The following CTSC variants were observed in gnomAD, a reference collection of about 807,000 sequenced individuals.
CTSC encodes cathepsin C.
CTSC carries 37 observed loss-of-function variants against 40.9 expected under a neutral mutation model. That is an observed-to-expected ratio of 0.91 (90% CI 0.70 to 1.19). CTSC has a LOEUF of 1.19. Among genes scored for constraint, CTSC ranks in the 50% most tolerant of loss-of-function variants. The probability of loss-of-function intolerance (pLI) is 0.00; values close to 1 mark genes in which losing one functional copy is unlikely to be tolerated. For missense variants in CTSC, 594 were observed against 567.3 expected (o/e 1.05, Z -0.48); for synonymous variants, 232 against 207.4 (o/e 1.12, Z -1.02).
At chr11:88,333,025 C>T (rs771679964) in intron 2 of CTSC, among the ~76,000 whole-genome samples, 16 of 152,214 alleles carry the variant, frequency 1.1e-4, no homozygotes, top group Non-Finnish European at 2.1e-4. Flanking sequence ...AATGTGCTTA[C>T]ACCGTGATTC....
intron 2 of CTSC, chr11:88,324,416 G>A (rs1031471963): frequency 1.0e-6 from 1 of 982,182 alleles, no homozygotes; most frequent in East Asian, 1.1e-4. Flanking sequence ...AACTCTGCAG[G>A]AAGGTAACCT....
intron 4 of CTSC, among the ~76,000 whole-genome samples, chr11:88,301,021 G>A (rs1437022045): frequency 1.3e-5 from 2 of 152,082 alleles, no homozygotes; most frequent in African/African-American, 4.8e-5. Context: ...GAAAACAGAG[G>A]AATCACTGAT....
rs1211768181 is a variant in CTSC at position 88,293,957 on chromosome 11, TC to T, written c.*48del. 1 of 1,596,670 alleles carries T rather than the reference TC, an allele frequency of 6.3e-7. No homozygotes were observed. Among genetic ancestry groups the T allele is most frequent in the Middle Eastern group, 1.7e-4 (1 of 6,054 alleles). ...GTCTACAGTCTGTGAATATACCAAT[TC>T]CCCTTTACAACTGATGCAGATCATT... On this transcript the variant is annotated 3_prime_UTR_variant, in exon 7 of 7. Coordinates refer to ENST00000227266, the MANE Select transcript of CTSC (RefSeq NM_001814.6).
chr11:88,301,237 TC>T (rs1944357504), intron 4 of CTSC, among the ~76,000 whole-genome samples: 1 of 152,138 alleles, frequency 6.6e-6, no homozygotes, highest in Non-Finnish European at 1.5e-5. Flanking sequence ...TCACTTCACT[TC>T]ATCCTCTCCG....
Position 88,294,393 on chromosome 11 carries a change from T to G in CTSC, c.1005A>C (p.Glu335Asp). Reference sequence around the variant, plus strand: ...CAGAGGAGTAATAACGAAAGCAGTCTTCCTTCATTTTGCATGGAGAATCAG... The same window carrying G: ...CAGAGGAGTAATAACGAAAGCAGTCGTCCTTCATTTTGCATGGAGAATCAG... ...TGTDSPCKMKEDCFRYYSSEY... is the reference protein window; with the variant it reads ...TGTDSPCKMKDDCFRYYSSEY... Residue 335 changes from glutamate (E) to aspartate (D), a missense_variant, in exon 7 of 7, where the codon GAA (glutamate) becomes GAC (aspartate). Glu to Asp is a conservative substitution (Grantham distance 45). Coordinates refer to ENST00000227266, the MANE Select transcript of CTSC (RefSeq NM_001814.6). 1 of 1,614,150 alleles carries G rather than the reference T, an allele frequency of 6.2e-7. No individual in the cohort carries two copies. The highest frequency in any genetic ancestry group is 1.1e-5 in the South Asian group (1 of 91,084).
intron 2 of CTSC, among the ~76,000 whole-genome samples, chr11:88,316,501 A>AAATAAATAAATAAATGAATGAATG (rs1211606419): frequency 2.3e-4 from 33 of 140,954 alleles, no homozygotes; most frequent in African/African-American, 7.8e-4. Flanking sequence ...ATAAATAAAT[A>AAATAAATAAATAAATGAATGAATG]AATGAAGCAG....
chr11:88,336,432 G>C (rs1423002639), intron 1 of CTSC, among the ~76,000 whole-genome samples: 1 of 151,316 alleles, frequency 6.6e-6, no homozygotes, highest in Admixed American at 6.6e-5. Flanking sequence ...CTAGCTACTC[G>C]GGAGACTGAG....
At chr11:88,302,730 T>A (rs1430156318) in intron 4 of CTSC, among the ~76,000 whole-genome samples, 1 of 151,826 alleles carries the variant, frequency 6.6e-6, no homozygotes. Context: ...AATTGTAACC[T>A]TGACAATTGT....
chr11:88,307,480 G>A (rs1438765144), intron 4 of CTSC, among the ~76,000 whole-genome samples: 1 of 147,668 alleles, frequency 6.8e-6, no homozygotes, highest in African/African-American at 2.5e-5. Context: ...CCCAAACTAA[G>A]AAATATACCA....
intron 2 of CTSC, among the ~76,000 whole-genome samples, chr11:88,327,384 A>C (rs924019065): frequency 1.3e-5 from 2 of 152,148 alleles, no homozygotes; most frequent in African/African-American, 2.4e-5. Flanking sequence ...CAAGTAACAG[A>C]GGAAGGAAAA....
At chr11:88,308,324 G>A (rs943505684) in intron 4 of CTSC, among the ~76,000 whole-genome samples, 13 of 151,654 alleles carry the variant, frequency 8.6e-5, no homozygotes, top group South Asian at 2.1e-4. Context: ...CAGCTAAGGC[G>A]CAGACTTGAG....
chr11:88,309,353 C>G lies in CTSC; in HGVS notation c.486-35G>C, dbSNP rs781224804. Reference sequence around the variant, plus strand: ...AAAATGAGATAATTTCAGATATAGTCTTTACTGATGTAAATAGAGTAATTA... The same window carrying G: ...AAAATGAGATAATTTCAGATATAGTGTTTACTGATGTAAATAGAGTAATTA... On this transcript the variant is annotated intron_variant, in intron 3 of 6. Transcript: ENST00000227266. 11 of 1,543,840 alleles carry G rather than the reference C, an allele frequency of 7.1e-6. No homozygotes were observed. In the South Asian group the frequency reaches 1.1e-4, roughly 16 times the overall value.
intron 2 of CTSC, among the ~76,000 whole-genome samples, chr11:88,328,983 C>T (rs1310434418): frequency 1.3e-5 from 2 of 152,072 alleles, no homozygotes; most frequent in African/African-American, 4.8e-5. Context: ...CAAACAAGAG[C>T]TCAATTAGAA....
intron 2 of CTSC, chr11:88,325,493 C>G: frequency 1.0e-6 from 1 of 985,346 alleles, no homozygotes; most frequent in Non-Finnish European, 1.2e-6. Flanking sequence ...TGTGAAATGG[C>G]TTTTTTCACT....
intron 5 of CTSC, chr11:88,299,022 T>G (rs963829870): frequency 1.3e-5 from 2 of 152,206 alleles, no homozygotes; most frequent in African/African-American, 4.8e-5. Context: ...CTTGTATGTC[T>G]TGCTAAACTG....
chr11:88,315,499 C>G (rs1333366279), intron 2 of CTSC, among the ~76,000 whole-genome samples: 2 of 152,144 alleles, frequency 1.3e-5, no homozygotes, highest in African/African-American at 4.8e-5. Context: ...TTGGAGAAGA[C>G]TGCCTATTTC....
In CTSC at chr11:88,314,777, T is replaced by C. The variant is rs544860637; in HGVS notation, c.319-2223A>G. On this transcript the variant is annotated intron_variant, in intron 2 of 6. Coordinates refer to ENST00000227266, the MANE Select transcript of CTSC (RefSeq NM_001814.6). ...TCCTGACCTGAGGTGATCTGCTTCC[T>C]TCAGCCTCCCAAAGTGCTGGGATTA... Among the ~76,000 whole-genome samples the C allele has an allele frequency of 1.6e-3, 238 of 152,218 alleles. 1 individual carries two copies. Among genetic ancestry groups the C allele is most frequent in the Non-Finnish European group, 1.2e-3 (81 of 67,982 alleles).
At chr11:88,322,997 T>C (rs1225569974) in intron 2 of CTSC, 1 of 152,206 alleles carries the variant, frequency 6.6e-6, no homozygotes. Context: ...ATATCCCTGA[T>C]GAACTTCGAC....
rs1260896676 is a variant in CTSC, at chr11:88,294,118, T to G, written c.1280A>C (p.Asn427Thr). The change falls in exon 7 of 7, where the codon AAC (asparagine) becomes ACC (threonine). Residue 427 changes from asparagine to threonine, a missense_variant. By Grantham distance (65) the Asn-to-Thr change is moderately conservative. Transcript: ENST00000227266. ...ASGMDYWIVK[N>T]SWGTGWGENG... ...CTCACCCCAGCCGGTGCCCCAGCTGTTTTTAACAATCCAGTAATCCATCCC... is the reference window on the plus strand; with the variant it reads ...CTCACCCCAGCCGGTGCCCCAGCTGGTTTTAACAATCCAGTAATCCATCCC... 8.7e-6 allele frequency: 14 copies of G among 1,613,898 alleles called. No homozygotes were observed. The highest frequency in any genetic ancestry group is 1.2e-5 in the Non-Finnish European group (14 of 1,179,980).
Sources: gnomAD v4.1 joint callset for allele counts (sites outside exome capture counted in the v4.1 genomes callset) on GRCh38, gnomAD v4.1.1 for gene constraint, MANE v1.5 for transcripts, NCBI Gene and HGNC (gene_info 2026-07-23, HGNC 2026-07-21) for gene names.